The following CADM1 variants were observed in gnomAD, a reference collection of about 807,000 sequenced individuals.
CADM1 encodes cell adhesion molecule 1, also known as TSLC-1.
Under a neutral mutation model 53.1 loss-of-function variants are expected in CADM1, and 15 were observed. The observed-to-expected ratio is 0.28, with a 90% CI of 0.19 to 0.44. The LOEUF (loss-of-function observed/expected upper bound fraction) is 0.44. Among genes scored for constraint, CADM1 ranks in the 20% least tolerant of loss-of-function variants. The pLI, the probability that CADM1 is intolerant of heterozygous loss-of-function variation, is 1.00. For missense variants in CADM1, 434 were observed against 611.3 expected (o/e 0.71, Z 3.06); for synonymous variants, 281 against 243.0 (o/e 1.16, Z -1.45).
At chr11:115,222,758 TA>T (rs1941453248) in intron 5 of CADM1, among the ~76,000 whole-genome samples, 1 of 152,098 alleles carries the variant, frequency 6.6e-6, no homozygotes. Context: ...AATTACTGTT[TA>T]CAAAAAAGAA....
chr11:115,296,251 C>T (rs1944075760), intron 1 of CADM1, among the ~76,000 whole-genome samples: 1 of 152,148 alleles, frequency 6.6e-6, no homozygotes, highest in South Asian at 2.1e-4. Flanking sequence ...GTGCCTGGCC[C>T]ATAAAGACAT....
chr11:115,395,805 C>T (rs1312378980), intron 1 of CADM1, among the ~76,000 whole-genome samples: 1 of 152,154 alleles, frequency 6.6e-6, no homozygotes, highest in East Asian at 1.9e-4. Context: ...TTAAAAAAGA[C>T]TCACTGTAGC....
intron 1 of CADM1, among the ~76,000 whole-genome samples, chr11:115,400,659 GTGTATA>G (rs1157656942): frequency 1.6e-3 from 63 of 38,638 alleles, no homozygotes; most frequent in Admixed American, 4.2e-3. Context: ...GTGTGTGTGT[GTGTATA>G]TATATATATA....
At position 115,190,994 on chromosome 11, in the gene CADM1, A is replaced by G; in HGVS notation, c.1112-53T>C. On this transcript the variant is annotated intron_variant, in intron 9 of 11. Transcript: ENST00000331581. ...TTTTCATTCCTCGAGGGACATAAAC[A>G]AAACACTTAAGAACTGAGGATGAAT... The G allele has an allele frequency of 2.8e-6, 4 of 1,426,622 alleles. No individual in the cohort carries two copies. The South Asian group carries it at 3.7e-5, about 13-fold the overall frequency. 88.4% of individuals were successfully genotyped at this position (1,426,622 alleles called of 1,614,324 possible).
chr11:115,178,651 T>A lies in CADM1; in HGVS notation c.1290A>T (p.Arg430Ser). The change falls in exon 11 of 12, where the codon AGA becomes AGT. Residue 430 changes from arginine (R) to serine (S), a missense_variant. Physicochemically the swap from Arg to Ser is moderately radical, Grantham distance 110. Around this residue, in one of 4 missense-constraint regions of CADM1, gnomAD observed 311 missense variants for 435.1 expected, o/e 0.71. Coordinates refer to ENST00000331581, the MANE Select transcript of CADM1 (RefSeq NM_001301043.2). The stretch of plus-strand genomic sequence containing the variant: ...TGCTGAAGCTTTGCTTACCTTTATG[T>A]CTGGCAAAATAGCGCCCCAGAATGA... ...LLIILGRYFA[R>S]HKGTYFTHEA... The A allele has an allele frequency of 6.2e-7, 1 of 1,613,252 alleles. No homozygotes were observed. The highest frequency in any genetic ancestry group is 8.5e-7 in the Non-Finnish European group (1 of 1,180,004).
At chr11:115,235,586 A>G (rs762862734) in intron 3 of CADM1, among the ~76,000 whole-genome samples, 9 of 152,238 alleles carry the variant, frequency 5.9e-5, no homozygotes, top group East Asian at 1.9e-4. Context: ...CCTCAAATCT[A>G]TAAGAGTGCT....
Position 115,440,017 on chromosome 11 carries a change from T to C in CADM1, c.124+64254A>G, listed in dbSNP as rs147706704. ...GTACAGCAAACATTTATCCAGGATT[T>C]GCCAGGGCAGGCTTGATTTCAAATA... On this transcript the variant is annotated intron_variant, in intron 1 of 11. Coordinates refer to ENST00000331581, the MANE Select transcript of CADM1 (RefSeq NM_001301043.2). Among the ~76,000 whole-genome samples, 780 of 152,366 alleles carry C rather than the reference T, an allele frequency of 5.1e-3. 6 individuals carry two copies. Among genetic ancestry groups the C allele is most frequent in the African/African-American group, 0.018 (749 of 41,598 alleles).
intron 10 of CADM1, among the ~76,000 whole-genome samples, chr11:115,188,636 GATGAT>G (rs1400812257): frequency 6.6e-6 from 1 of 152,092 alleles, no homozygotes; most frequent in Non-Finnish European, 1.5e-5. Flanking sequence ...GCAGGGAATG[GATGAT>G]ATTATTCATT....
At chr11:115,475,020 G>C (rs543415840) in intron 1 of CADM1, among the ~76,000 whole-genome samples, 1 of 152,244 alleles carries the variant, frequency 6.6e-6, no homozygotes, top group South Asian at 2.1e-4. Flanking sequence ...TAGTTTGGCA[G>C]TTTCTTAAAC....
intron 1 of CADM1, among the ~76,000 whole-genome samples, chr11:115,265,773 AT>A (rs1943116648): frequency 6.6e-6 from 1 of 152,206 alleles, no homozygotes; most frequent in South Asian, 2.1e-4. Context: ...ATGGCTGTAC[AT>A]TCATTTAATC....
chr11:115,214,908 A>C, intron 6 of CADM1, 128 bp from the exon 7 acceptor site: 2 of 992,744 alleles, frequency 2.0e-6, no homozygotes, highest in Non-Finnish European at 3.2e-6. Context: ...CAGAATTACA[A>C]CTGTGAAGTC....
intron 1 of CADM1, among the ~76,000 whole-genome samples, chr11:115,328,733 C>CGCGT (rs1945047657): frequency 1.8e-5 from 2 of 111,032 alleles, no homozygotes; most frequent in South Asian, 2.9e-4. Flanking sequence ...TATGTATATA[C>CGCGT]ATATATATAT....
At chr11:115,177,443 T>C (rs991439894) in intron 11 of CADM1, among the ~76,000 whole-genome samples, 8 of 152,210 alleles carry the variant, frequency 5.3e-5, no homozygotes, top group Non-Finnish European at 1.0e-4. Context: ...AATCAAATAA[T>C]CTTCCTCCCA....
intron 7 of CADM1, among the ~76,000 whole-genome samples, chr11:115,209,998 G>A (rs1940883868): frequency 1.3e-5 from 2 of 152,170 alleles, no homozygotes; most frequent in Non-Finnish European, 2.9e-5. Flanking sequence ...AGGGTACAAT[G>A]GTTGTCATTT....
intron 1 of CADM1, among the ~76,000 whole-genome samples, chr11:115,250,314 A>G (rs939875024): frequency 2.6e-5 from 4 of 152,202 alleles, no homozygotes; most frequent in African/African-American, 7.2e-5. Context: ...TCCTAATTTT[A>G]AGTACCCAAT....
At chr11:115,331,477 T>C (rs778193343) in intron 1 of CADM1, among the ~76,000 whole-genome samples, 19 of 152,134 alleles carry the variant, frequency 1.2e-4, no homozygotes, top group Non-Finnish European at 2.1e-4. Context: ...GCCCAAAAGG[T>C]AAGCACATTG....
At position 115,348,160 on chromosome 11, in the gene CADM1, T is replaced by A. The variant is rs866395376; in HGVS notation, c.125-107740A>T. 2.6e-5 allele frequency among the ~76,000 whole-genome samples: 4 copies of A among 152,176 alleles called. No homozygotes were observed. In the South Asian group the frequency reaches 8.3e-4, roughly 32 times the overall value. On this transcript the variant is annotated intron_variant, in intron 1 of 11. Coordinates refer to ENST00000331581, the MANE Select transcript of CADM1 (RefSeq NM_001301043.2). ...GAGAAACCACACCAAGATTTCTTTGTTAAAGGTAAGGTAGGTTCTTACTAA... is the reference window on the plus strand; with the variant it reads ...GAGAAACCACACCAAGATTTCTTTGATAAAGGTAAGGTAGGTTCTTACTAA...
At chr11:115,385,397 C>T (rs1455040877) in intron 1 of CADM1, among the ~76,000 whole-genome samples, 1 of 152,140 alleles carries the variant, frequency 6.6e-6, no homozygotes, top group East Asian at 1.9e-4. Context: ...AGGTCTCCAT[C>T]TGTTCATTTC....
intron 1 of CADM1, among the ~76,000 whole-genome samples, chr11:115,481,403 G>C (rs1012375717): frequency 5.3e-5 from 8 of 152,108 alleles, no homozygotes; most frequent in African/African-American, 1.7e-4. Flanking sequence ...AAAGTCTCTT[G>C]ACAGCCCCTT....
Sources: allele counts gnomAD v4.1 joint callset (sites outside exome capture counted in the v4.1 genomes callset), GRCh38; gene constraint gnomAD v4.1.1; regional missense constraint gnomAD v4.1.1; transcripts MANE v1.5; gene names NCBI Gene and HGNC (gene_info 2026-07-23, HGNC 2026-07-21).